NSD3: variants seen among roughly 807,000 people sequenced by gnomAD.
NSD3 encodes the protein histone-lysine N-methyltransferase NSD3.
NSD3 carries 24 observed loss-of-function variants against 160.8 expected under a neutral mutation model. The ratio of observed to expected loss-of-function variants is 0.15; its 90% CI spans 0.11 to 0.21. NSD3 has a LOEUF of 0.21. NSD3 is among the 10% of genes least tolerant of loss of function. NSD3 has a pLI of 1.00. For synonymous variants in NSD3, 520 were observed against 600.0 expected, an observed-to-expected ratio of 0.87 and a Z score of 1.95; for missense variants, 1,157 against 1,735.9, an observed-to-expected ratio of 0.67 and a Z score of 5.93.
rs1809755345 is a variant in NSD3 at position 38,319,785 on chromosome 8, A to G, written c.1810-845T>C. The G allele has an allele frequency of 6.6e-6, 1 of 152,226 alleles. No homozygotes were observed. 9.4% of individuals were successfully genotyped at this position (152,226 alleles called of 1,614,324 possible). On this transcript the variant is annotated intron_variant, in intron 8 of 23. Coordinates refer to ENST00000317025, the MANE Select transcript of NSD3 (RefSeq NM_023034.2). The surrounding 1 kb of genome is among the most constrained non-coding windows in gnomAD (Gnocchi z 4.1). ...TTTTAAAAAAAATTTTATTTTTTTT[A>G]CAACAGGTAAAAAAACATACAACAG...
intron 2 of NSD3, among the ~76,000 whole-genome samples, chr8:38,344,397 G>A (rs112872986): frequency 5.9e-5 from 9 of 151,986 alleles, no homozygotes; most frequent in Admixed American, 4.6e-4. Flanking sequence ...TCGGCCTCCC[G>A]AATAGTTGGG....
intron 20 of NSD3, chr8:38,279,954 G>T (rs886498197): frequency 3.1e-6 from 1 of 323,896 alleles, no homozygotes. Context: ...CTATTTAGAA[G>T]ATTAGTGGGC....
intron 4 of NSD3, among the ~76,000 whole-genome samples, chr8:38,336,557 C>T (rs1810220890): frequency 6.6e-6 from 1 of 152,076 alleles, no homozygotes; most frequent in South Asian, 2.1e-4. Context: ...ATGAAAAGTA[C>T]TTGTCTGGGT....
intron 2 of NSD3, among the ~76,000 whole-genome samples, chr8:38,342,819 A>G (rs936616583): frequency 6.6e-6 from 1 of 151,780 alleles, no homozygotes; most frequent in Admixed American, 6.6e-5. Context: ...CGGCCTCCCA[A>G]AGTGCTGGGA....
chr8:38,309,553 T>C (rs1809485052), intron 12 of NSD3, among the ~76,000 whole-genome samples: 1 of 151,988 alleles, frequency 6.6e-6, no homozygotes, highest in Non-Finnish European at 1.5e-5. Flanking sequence ...ATCAGGAGGC[T>C]GGGGTGGGAG....
Position 38,316,901 on chromosome 8 carries a change from G to A in NSD3, c.1856-859C>T, listed in dbSNP as rs1809680340. 6 of 1,062,814 alleles carry A rather than the reference G, an allele frequency of 5.6e-6. No individual in the cohort carries two copies. The highest frequency in any genetic ancestry group is 1.6e-5 in the African/African-American group (1 of 60,902). 65.8% of individuals were successfully genotyped at this position (1,062,814 alleles called of 1,614,324 possible). On this transcript the variant is annotated intron_variant, in intron 9 of 23. Coordinates refer to ENST00000317025, the MANE Select transcript of NSD3 (RefSeq NM_023034.2). The surrounding 1 kb of genome is among the most constrained non-coding windows in gnomAD (Gnocchi z 4.5). Reference sequence around the variant, plus strand: ...CAATCTCTTGGGCTAATGCAGTATAGGCTATACAGAAACAGCCACGATGAA... The same window carrying A: ...CAATCTCTTGGGCTAATGCAGTATAAGCTATACAGAAACAGCCACGATGAA...
rs748971560 is a variant in NSD3, at chr8:38,331,536, C to A, written c.960G>T (p.Ala320=). Residue 320 remains alanine, a synonymous_variant, in exon 5 of 24, where the codon GCG becomes GCT. Transcript: ENST00000317025. ...CTCGTACCCGTTTTTCATGAACCCA[C>A]GCCCTCTCTGGCTGGTTGCTAAAAA... ...VQFFSNQPER[A]WVHEKRVREY... 1 of 1,613,892 alleles carries A rather than the reference C, an allele frequency of 6.2e-7. No individual in the cohort carries two copies. The highest frequency in any genetic ancestry group is 8.5e-7 in the Non-Finnish European group (1 of 1,179,896).
intron 3 of NSD3, among the ~76,000 whole-genome samples, chr8:38,338,019 C>T (rs1055090425): frequency 2.6e-5 from 4 of 151,970 alleles, no homozygotes; most frequent in African/African-American, 4.8e-5. Context: ...TACACATGAT[C>T]GGCCAGGCGC....
intron 1 of NSD3, among the ~76,000 whole-genome samples, chr8:38,366,466 G>A (rs982054834): frequency 6.9e-6 from 1 of 144,598 alleles, no homozygotes; most frequent in Non-Finnish European, 1.5e-5. Flanking sequence ...CCAGGCTGGA[G>A]TGCAATGGTA....
intron 1 of NSD3, among the ~76,000 whole-genome samples, chr8:38,380,176 A>G (rs372531435): frequency 4.9e-4 from 75 of 152,354 alleles, no homozygotes; most frequent in African/African-American, 1.7e-3. Flanking sequence ...AGAGATGGGG[A>G]AAAGAGAGTT....
rs1342113372 is a variant in NSD3, at chr8:38,315,471, T to A, written c.2060A>T (p.Asp687Val). 3 of 1,609,900 alleles carry A rather than the reference T, an allele frequency of 1.9e-6. No homozygotes were observed. Among genetic ancestry groups the A allele is most frequent in the Non-Finnish European group, 2.5e-6 (3 of 1,178,876 alleles). Reference protein sequence around the residue: ...DADVSDVQSMDSSLSRRGTGM... With the variant: ...DADVSDVQSMVSSLSRRGTGM... The stretch of plus-strand genomic sequence containing the variant: ...AGTGCCTCTTCTCGACAAACTTGAA[T>A]CCATGGACTGCACATCAGAAACGTC... The change falls in exon 11 of 24, where the codon GAT (aspartate) becomes GTT (valine). Residue 687 changes from aspartate (D) to valine (V), a missense_variant. Physicochemically the swap from Asp to Val is radical, Grantham distance 152 (BLOSUM62 -3). This residue lies in a region of NSD3 where 437 missense variants were observed against 576.6 expected (regional missense o/e 0.76). Transcript: ENST00000317025.
chr8:38,326,090 G>T (rs1403558818), intron 7 of NSD3, among the ~76,000 whole-genome samples: 1 of 151,932 alleles, frequency 6.6e-6, no homozygotes, highest in Non-Finnish European at 1.5e-5. Context: ...GGAGGTTGCA[G>T]CGAACCGAGA....
rs373471966 is a variant in NSD3, at chr8:38,315,957, G to A, written c.1941C>T (p.Tyr647=). 3 of 1,613,776 alleles carry A rather than the reference G, an allele frequency of 1.9e-6. No homozygotes were observed. The highest frequency in any genetic ancestry group is 1.1e-5 in the South Asian group (1 of 91,056). ...STDVEMTSSA[Y]RDTSDSDSRG... is the part of the protein sequence containing the mutation. Reference sequence around the variant, plus strand: ...TAGAATCGGAGTCAGATGTGTCTCTGTATGCTGAACTAGTCATTTCTACAT... The same window carrying A: ...TAGAATCGGAGTCAGATGTGTCTCTATATGCTGAACTAGTCATTTCTACAT... The change falls in exon 10 of 24, where the codon TAC becomes TAT. Residue 647 remains tyrosine (Y), a synonymous_variant. Coordinates refer to ENST00000317025, the MANE Select transcript of NSD3 (RefSeq NM_023034.2).
chr8:38,363,992 C>A, intron 1 of NSD3: 1 of 152,190 alleles, frequency 6.6e-6, no homozygotes, highest in Non-Finnish European at 1.5e-5. Context: ...AAGTCTTAGG[C>A]TAGGCGCGGT....
chr8:38,366,768 C>T lies in NSD3; in HGVS notation c.-45+15031G>A, dbSNP rs10104790. ...AATAGCTAATTCTGGGCTAACCACACGTAGCTATTTAAATTTAAACAAGTT... is the reference window on the plus strand; with the variant it reads ...AATAGCTAATTCTGGGCTAACCACATGTAGCTATTTAAATTTAAACAAGTT... On this transcript the variant is annotated intron_variant, in intron 1 of 23. Transcript: ENST00000317025. Among the ~76,000 whole-genome samples the T allele has an allele frequency of 7.4e-3, 1,132 of 152,160 alleles. 12 individuals are homozygous for T. Among genetic ancestry groups the T allele is most frequent in the African/African-American group, 0.025 (1,026 of 41,508 alleles).
intron 14 of NSD3, chr8:38,303,312 C>T: frequency 1.0e-6 from 1 of 985,252 alleles, no homozygotes; most frequent in Non-Finnish European, 1.2e-6. Context: ...TATTATTTGC[C>T]CACCTGTTAC....
rs3050695 is a variant in NSD3 at position 38,359,999 on chromosome 8, AT to A, written c.-44-11785del. ...AAATGTGGGCATTTCCTCTCAAACA[AT>A]TTTTTTTTTTTTTTTGAGACGGTCT... is the stretch of plus-strand genomic sequence containing the variant. On this transcript the variant is annotated intron_variant, in intron 1 of 23. Transcript: ENST00000317025. Among the ~76,000 whole-genome samples, 351 of 143,254 alleles carry A rather than the reference AT, an allele frequency of 2.5e-3. 1 individual carries two copies. The highest frequency in any genetic ancestry group is 6.7e-3 in the East Asian group (33 of 4,928). The allele number at this position is 143,254 out of a possible 152,430, so 94.0% of individuals were successfully genotyped here.
At chr8:38,292,418 G>T (rs192470941) in intron 16 of NSD3, among the ~76,000 whole-genome samples, 2 of 151,958 alleles carry the variant, frequency 1.3e-5, no homozygotes, top group African/African-American at 4.8e-5. Flanking sequence ...AGGTTGTGGC[G>T]GGCAGATCAC....
At chr8:38,327,358 A>T (rs1051597343) in intron 6 of NSD3, among the ~76,000 whole-genome samples, 4 of 151,914 alleles carry the variant, frequency 2.6e-5, no homozygotes, top group Non-Finnish European at 5.9e-5. Context: ...ACCCGGCCAA[A>T]AAAAATTTTT....
Sources: allele counts gnomAD v4.1 joint callset (sites outside exome capture counted in the v4.1 genomes callset), GRCh38; gene constraint gnomAD v4.1.1; regional missense constraint gnomAD v4.1.1; non-coding constraint Gnocchi (gnomAD v3.1); transcripts MANE v1.5; gene names NCBI Gene and HGNC (gene_info 2026-07-23, HGNC 2026-07-21).